TRAM1: variants seen among roughly 807,000 people sequenced by gnomAD.
The protein encoded by TRAM1 is translocating chain-associated membrane protein 1.
TRAM1 carries 17 observed loss-of-function variants against 48.7 expected under a neutral mutation model. That is an observed-to-expected ratio of 0.35 (90% CI 0.24 to 0.52). The LOEUF is 0.52. Among genes scored for constraint, TRAM1 ranks in the 20% least tolerant of loss-of-function variants. The probability of loss-of-function intolerance (pLI) is 0.94; values close to 1 mark genes in which losing one functional copy is unlikely to be tolerated. For missense variants in TRAM1, 351 were observed against 441.5 expected, an observed-to-expected ratio of 0.79 and a Z score of 1.84; for synonymous variants, 182 against 154.0, an observed-to-expected ratio of 1.18 and a Z score of -1.34.
intron 9 of TRAM1, 126 bp from the exon 10 acceptor site, chr8:70,583,450 G>A (rs939400756): frequency 1.6e-6 from 2 of 1,281,706 alleles, no homozygotes; most frequent in South Asian, 3.2e-5. Context: ...AATAATCATT[G>A]CATTAATAAT....
In TRAM1 at chr8:70,608,201, G is replaced by A. The variant is rs1343670544; in HGVS notation, c.-2C>T. On this transcript the variant is annotated 5_prime_UTR_variant, in exon 1 of 11. Transcript: ENST00000262213. ...GGTGCTTTTCTTGCGAATCGCCATG[G>A]TGGGGCCGCCGCCCGCGCCTGCAGG... is the stretch of plus-strand genomic sequence containing the variant. The A allele has an allele frequency of 6.3e-7, 1 of 1,587,408 alleles. No homozygotes were observed. Among genetic ancestry groups the A allele is most frequent in the Non-Finnish European group, 8.6e-7 (1 of 1,169,176 alleles).
chr8:70,608,202 TG>T lies in TRAM1; in HGVS notation c.-4del. The stretch of plus-strand genomic sequence containing the variant: ...GTGCTTTTCTTGCGAATCGCCATGG[TG>T]GGGCCGCCGCCCGCGCCTGCAGGTG... On this transcript the variant is annotated 5_prime_UTR_variant, in exon 1 of 11. Transcript: ENST00000262213. The T allele has an allele frequency of 1.3e-6, 2 of 1,586,726 alleles. No homozygotes were observed. The highest frequency in any genetic ancestry group is 8.6e-7 in the Non-Finnish European group (1 of 1,168,900).
intron 10 of TRAM1, among the ~76,000 whole-genome samples, chr8:70,575,506 A>T (rs553627390): frequency 8.5e-5 from 13 of 152,060 alleles, no homozygotes; most frequent in Middle Eastern, 3.4e-3. Context: ...GCAGTCTTGA[A>T]CTCCCGGGGA....
chr8:70,603,320 A>G (rs980208501), intron 1 of TRAM1, among the ~76,000 whole-genome samples: 4 of 151,708 alleles, frequency 2.6e-5, no homozygotes, highest in African/African-American at 9.7e-5. Context: ...ACACACACAC[A>G]CACACACACA....
rs770474997 is a variant in TRAM1 at position 70,607,244 on chromosome 8, C to T, written c.123+833G>A. 8.1e-6 allele frequency: 8 copies of T among 985,152 alleles called. 1 individual carries two copies. The highest frequency in any genetic ancestry group is 2.3e-4 in the East Asian group (2 of 8,826). The allele number at this position is 985,152 out of a possible 1,614,324, so 61.0% of individuals were successfully genotyped here. On this transcript the variant is annotated intron_variant, in intron 1 of 10. Coordinates refer to ENST00000262213, the MANE Select transcript of TRAM1 (RefSeq NM_014294.6). Reference sequence around the variant, plus strand: ...AGCTGTTAAATAAGTCATCAAAATACTAGATACGTGGGAAGAGAATTTACA... The same window carrying T: ...AGCTGTTAAATAAGTCATCAAAATATTAGATACGTGGGAAGAGAATTTACA...
intron 10 of TRAM1, among the ~76,000 whole-genome samples, chr8:70,578,708 A>G (rs531058243): frequency 6.6e-6 from 1 of 152,212 alleles, no homozygotes. Context: ...AATAATGCTG[A>G]TATTACACAA....
chr8:70,577,556 C>T lies in TRAM1; in HGVS notation c.1052-2551G>A, dbSNP rs1192654791. Among the ~76,000 whole-genome samples, 4 of 152,232 alleles carry T rather than the reference C, an allele frequency of 2.6e-5. No homozygotes were observed. In the East Asian group the frequency reaches 5.8e-4, roughly 22 times the overall value. ...GAGAACTGTTCTGCCTCTCAATGAA[C>T]CTCCTCTCTGCCTTGCTCACCCTCC... On this transcript the variant is annotated intron_variant, in intron 10 of 10. Coordinates refer to ENST00000262213, the MANE Select transcript of TRAM1 (RefSeq NM_014294.6).
intron 1 of TRAM1, among the ~76,000 whole-genome samples, chr8:70,602,701 C>T (rs537797338): frequency 2.6e-5 from 4 of 152,172 alleles, no homozygotes; most frequent in East Asian, 3.9e-4. Flanking sequence ...ATACCGGATG[C>T]GAATGTCTGA....
At position 70,596,321 on chromosome 8, in the gene TRAM1, C is replaced by T. The variant is rs1817486727; in HGVS notation, c.427G>A (p.Glu143Lys). The T allele has an allele frequency of 6.3e-7, 1 of 1,592,038 alleles. No individual in the cohort carries two copies. The highest frequency in any genetic ancestry group is 8.5e-7 in the Non-Finnish European group (1 of 1,171,072). Reference protein sequence around the residue: ...CVWGTFILISENYISDPTILW... With the variant: ...CVWGTFILISKNYISDPTILW... ...ATAGTTGGGTCTGAGATGTAGTTTT[C>T]CTAAGAAAGAAGATATAAAAATTAA... Residue 143 changes from glutamate to lysine, a missense_variant and splice_region_variant, in exon 5 of 11, where the codon GAA becomes AAA. By Grantham distance (56) the Glu-to-Lys change is moderately conservative (BLOSUM62 1). Coordinates refer to ENST00000262213, the MANE Select transcript of TRAM1 (RefSeq NM_014294.6).
rs770060276 is a variant in TRAM1 at position 70,608,200 on chromosome 8, G to A, written c.-1C>T. On this transcript the variant is annotated 5_prime_UTR_variant, in exon 1 of 11. Transcript: ENST00000262213. ...TGGTGCTTTTCTTGCGAATCGCCAT[G>A]GTGGGGCCGCCGCCCGCGCCTGCAG... 7.6e-6 allele frequency: 12 copies of A among 1,587,664 alleles called. No homozygotes were observed. The highest frequency in any genetic ancestry group is 8.6e-6 in the Non-Finnish European group (10 of 1,169,242).
intron 10 of TRAM1, among the ~76,000 whole-genome samples, chr8:70,581,233 C>A (rs1817067054): frequency 6.6e-6 from 1 of 152,124 alleles, no homozygotes; most frequent in African/African-American, 2.4e-5. Context: ...AATAAAAACT[C>A]ATATGGAAAT....
At chr8:70,577,968 G>C (rs905496715) in intron 10 of TRAM1, among the ~76,000 whole-genome samples, 1 of 152,236 alleles carries the variant, frequency 6.6e-6, no homozygotes, top group Non-Finnish European at 1.5e-5. Flanking sequence ...CAGCCTGTGT[G>C]TCTGGCTGTG....
Position 70,602,155 on chromosome 8 carries a change from A to G in TRAM1, c.124-2073T>C, listed in dbSNP as rs573264657. Among the ~76,000 whole-genome samples the G allele has an allele frequency of 1.3e-4, 20 of 152,348 alleles. 1 individual carries two copies. The South Asian group carries it at 4.1e-3, about 32-fold the overall frequency. Reference sequence around the variant, plus strand: ...GTGGTTAATAAAGTCAAAAGTTTCAAAAGAGATGTGGGAGGAAAGAGAACG... The same window carrying G: ...GTGGTTAATAAAGTCAAAAGTTTCAGAAGAGATGTGGGAGGAAAGAGAACG... On this transcript the variant is annotated intron_variant, in intron 1 of 10. Coordinates refer to ENST00000262213, the MANE Select transcript of TRAM1 (RefSeq NM_014294.6).
intron 10 of TRAM1, among the ~76,000 whole-genome samples, chr8:70,579,717 C>T (rs1252504339): frequency 6.6e-6 from 1 of 152,108 alleles, no homozygotes; most frequent in Non-Finnish European, 1.5e-5. Flanking sequence ...CAGAAGAGAA[C>T]TGAATAAAGG....
chr8:70,600,991 T>C (rs377073106), intron 1 of TRAM1, among the ~76,000 whole-genome samples: 20 of 152,308 alleles, frequency 1.3e-4, no homozygotes, highest in East Asian at 5.8e-4. Context: ...AGAAACATTA[T>C]TGAGTGCTAG....
Position 70,573,411 on chromosome 8 carries a change from C to CCAA in TRAM1, c.*1518_*1520dup, listed in dbSNP as rs1816862775. 6.6e-6 allele frequency: 1 copy of CCAA among 152,516 alleles called. No homozygotes were observed. Among genetic ancestry groups the CCAA allele is most frequent in the Admixed American group, 6.5e-5 (1 of 15,278 alleles). The allele number at this position is 152,516 out of a possible 1,614,324, so 9.4% of individuals were successfully genotyped here. On this transcript the variant is annotated 3_prime_UTR_variant, in exon 11 of 11. Transcript: ENST00000262213. The stretch of plus-strand genomic sequence containing the variant: ...GTTATATACCAAAATAGCCTAAACA[C>CCAA]CAACAATGACAGAAACATCCAGGAT...
intron 6 of TRAM1, among the ~76,000 whole-genome samples, chr8:70,590,002 T>G (rs1817316046): frequency 6.6e-6 from 1 of 152,204 alleles, no homozygotes; most frequent in African/African-American, 2.4e-5. Flanking sequence ...CCATATTCTT[T>G]CATATGTGTT....
Position 70,598,150 on chromosome 8 carries a change from T to A in TRAM1, c.293A>T (p.Gln98Leu). 1 of 1,612,978 alleles carries A rather than the reference T, an allele frequency of 6.2e-7. No individual in the cohort carries two copies. Among genetic ancestry groups the A allele is most frequent in the Non-Finnish European group, 8.5e-7 (1 of 1,179,514 alleles). ...CATACTTACATCCAACATATACTCT[T>A]GAATTACGGCATGAATAATTATCGC... The part of the protein sequence containing the change: ...LVAIIIHAVI[Q>L]EYMLDKINRR... Residue 98 changes from glutamine to leucine, a missense_variant, in exon 3 of 11, where the codon CAA becomes CTA. Transcript: ENST00000262213.
intron 10 of TRAM1, among the ~76,000 whole-genome samples, chr8:70,577,984 T>C (rs1816995774): frequency 6.6e-6 from 1 of 152,238 alleles, no homozygotes. Flanking sequence ...CTGTGCGCAG[T>C]GGCTAGACCT....
Sources: gnomAD v4.1 joint callset for allele counts (sites outside exome capture counted in the v4.1 genomes callset) on GRCh38, gnomAD v4.1.1 for gene constraint, MANE v1.5 for transcripts, NCBI Gene and HGNC (gene_info 2026-07-23, HGNC 2026-07-21) for gene names.